PRKCD: variants seen among roughly 807,000 people sequenced by gnomAD.
PRKCD encodes protein kinase C delta type.
PRKCD carries 20 observed loss-of-function variants against 82.2 expected under a neutral mutation model. That is an observed-to-expected ratio of 0.24 (90% CI 0.17 to 0.35). PRKCD has a LOEUF of 0.35. Ranked by LOEUF, PRKCD falls within the 10% of genes least tolerant of loss-of-function variation. The pLI, the probability that PRKCD is intolerant of heterozygous loss-of-function variation, is 1.00. For synonymous variants in PRKCD, 317 were observed against 337.0 expected, an observed-to-expected ratio of 0.94 and a Z score of 0.65; for missense variants, 607 against 899.0, an observed-to-expected ratio of 0.68 and a Z score of 4.15.
chr3:53,188,879 C>T, intron 16 of PRKCD, 21 bp downstream of exon 16: 1 of 1,612,738 alleles, frequency 6.2e-7, no homozygotes, highest in Non-Finnish European at 8.5e-7. Context: ...ACCCTTCCAG[C>T]CCCCCGCTCA....
chr3:53,165,340 T>G (rs879975235), intron 2 of PRKCD, 125 bp downstream of exon 2: 3 of 152,316 alleles, frequency 2.0e-5, no homozygotes, highest in African/African-American at 2.4e-5. Flanking sequence ...GATCTGGTTG[T>G]GGGCCCTGTG....
At chr3:53,180,548 C>A (rs1291087679) in intron 4 of PRKCD, among the ~76,000 whole-genome samples, 1 of 152,206 alleles carries the variant, frequency 6.6e-6, no homozygotes, top group Admixed American at 6.5e-5. Context: ...GCCCTGTGAC[C>A]ATTGGAGGCT....
At position 53,186,203 on chromosome 3, in the gene PRKCD, T is replaced by G. The variant is rs1003630344; in HGVS notation, c.1123T>G (p.Phe375Val). 2 of 1,614,062 alleles carry G rather than the reference T, an allele frequency of 1.2e-6. No individual in the cohort carries two copies. The highest frequency in any genetic ancestry group is 1.7e-6 in the Non-Finnish European group (2 of 1,179,960). Residue 375 changes from phenylalanine (F) to valine (V), a missense_variant, in exon 13 of 19, where the codon TTT (phenylalanine) becomes GTT (valine). By Grantham distance (50) the Phe-to-Val change is conservative. This residue lies in a region of PRKCD where 251 missense variants were observed against 423.9 expected (regional missense o/e 0.59). Transcript: ENST00000330452. ...AGAGCTGAAGGGCAGAGGAGAGTAC[T>G]TTGCCATCAAGGCCCTCAAGAAGGA... is the stretch of plus-strand genomic sequence containing the variant. The part of the protein sequence containing the change: ...LGELKGRGEY[F>V]AIKALKKDVV...
At chr3:53,176,583 G>A (rs782635328) in intron 2 of PRKCD, among the ~76,000 whole-genome samples, 7 of 152,254 alleles carry the variant, frequency 4.6e-5, no homozygotes, top group African/African-American at 1.7e-4. Context: ...TCGAATGAGC[G>A]CTCCCTCAAC....
At chr3:53,162,027 G>A (rs1051019942) in intron 1 of PRKCD, among the ~76,000 whole-genome samples, 13 of 151,676 alleles carry the variant, frequency 8.6e-5, no homozygotes, top group African/African-American at 3.2e-4. Context: ...GGTCCCTGGA[G>A]GCCCGACCCG....
Position 53,169,549 on chromosome 3 carries a change from C to T in PRKCD, c.-20+4334C>T, listed in dbSNP as rs376646205. ...AAACAGGCAGAGCAGAGCAGGCAGT[C>T]GCCAAGGCCTGAGGCTAGATCAGAT... On this transcript the variant is annotated intron_variant, in intron 2 of 18. Transcript: ENST00000330452. This position sits in a 1 kb window ranked among gnomAD's most constrained non-coding sequence, Gnocchi z 4.7. 1.2e-4 allele frequency among the ~76,000 whole-genome samples: 18 copies of T among 152,246 alleles called. No homozygotes were observed. The East Asian group carries it at 2.9e-3, about 25-fold the overall frequency.
At chr3:53,170,531 G>A (rs782177049) in intron 2 of PRKCD, among the ~76,000 whole-genome samples, 3 of 152,224 alleles carry the variant, frequency 2.0e-5, no homozygotes, top group Admixed American at 6.5e-5. Flanking sequence ...GCGGGCGGGC[G>A]GAGGCCTGCC....
chr3:53,181,799 G>A (rs2107263741), intron 7 of PRKCD, 67 bp downstream of exon 7: 1 of 1,604,822 alleles, frequency 6.2e-7, no homozygotes, highest in Non-Finnish European at 8.5e-7. Context: ...CAGTGCCTGT[G>A]TGTATGCCAG....
chr3:53,183,033 G>C, intron 7 of PRKCD, 88 bp from the exon 8 acceptor site: 1 of 1,357,094 alleles, frequency 7.4e-7, no homozygotes, highest in Non-Finnish European at 1.1e-6. Context: ...TTTGTGTAGA[G>C]GGCTAGACTG....
In PRKCD at chr3:53,186,292, C is replaced by T. The variant is rs200149825; in HGVS notation, c.1212C>T (p.Ala404=). Residue 404 remains alanine, a synonymous_variant, in exon 13 of 19, where the codon GCC becomes GCT. Coordinates refer to ENST00000330452, the MANE Select transcript of PRKCD (RefSeq NM_006254.4). ...TMVEKRVLTL[A]AENPFLTHLI... Reference sequence around the variant, plus strand: ...TTGAGAAGCGGGTGCTGACACTTGCCGCAGAGAATCCCTTTCTCACCCACC... The same window carrying T: ...TTGAGAAGCGGGTGCTGACACTTGCTGCAGAGAATCCCTTTCTCACCCACC... 5.3e-5 allele frequency: 85 copies of T among 1,614,138 alleles called. No homozygotes were observed. The highest frequency in any genetic ancestry group is 2.7e-4 in the East Asian group (12 of 44,870).
Position 53,192,125 on chromosome 3 carries a change from C to T in PRKCD, c.1890C>T (p.Tyr630=), listed in dbSNP as rs539145524. 6 of 1,614,044 alleles carry T rather than the reference C, an allele frequency of 3.7e-6. No homozygotes were observed. The African/African-American group carries it at 5.3e-5, about 14-fold the overall frequency. ...FRPKVKSPRD[Y]SNFDQEFLNE... Reference sequence around the variant, plus strand: ...GCTTGTAGAAGTCACCCAGAGACTACAGTAACTTTGACCAGGAGTTCCTGA... The same window carrying T: ...GCTTGTAGAAGTCACCCAGAGACTATAGTAACTTTGACCAGGAGTTCCTGA... The change falls in exon 19 of 19, where the codon TAC becomes TAT. Residue 630 remains tyrosine, a synonymous_variant. Coordinates refer to ENST00000330452, the MANE Select transcript of PRKCD (RefSeq NM_006254.4).
At chr3:53,176,641 A>G (rs1246415884) in intron 2 of PRKCD, among the ~76,000 whole-genome samples, 1 of 152,230 alleles carries the variant, frequency 6.6e-6, no homozygotes, top group Non-Finnish European at 1.5e-5. Context: ...GCCAGTGTGC[A>G]CATAGGTGCT....
chr3:53,189,364 A>T (rs1553670289), intron 17 of PRKCD, 118 bp downstream of exon 17: 2 of 1,079,820 alleles, frequency 1.9e-6, no homozygotes, highest in East Asian at 2.6e-5. Context: ...GTGGTGCTGC[A>T]GTCCTAACAT....
At chr3:53,174,288 G>A (rs2107241354) in intron 2 of PRKCD, among the ~76,000 whole-genome samples, 1 of 152,330 alleles carries the variant, frequency 6.6e-6, no homozygotes, top group East Asian at 1.9e-4. Flanking sequence ...TGCCTCTGCT[G>A]TAGGCTGGAG....
At chr3:53,175,279 A>G (rs945521031) in intron 2 of PRKCD, among the ~76,000 whole-genome samples, 1 of 152,118 alleles carries the variant, frequency 6.6e-6, no homozygotes, top group Non-Finnish European at 1.5e-5. Flanking sequence ...GGCGGAATGG[A>G]TGCGGTGGGG....
At chr3:53,176,251 A>C (rs1703210591) in intron 2 of PRKCD, among the ~76,000 whole-genome samples, 1 of 151,920 alleles carries the variant, frequency 6.6e-6, no homozygotes, top group Non-Finnish European at 1.5e-5. Context: ...AGTAGGAGCC[A>C]GGGCCGGGCA....
At chr3:53,192,084 C>T (rs782700738) in intron 18 of PRKCD, 24 bp from the exon 19 acceptor site, 2 of 1,613,680 alleles carry the variant, frequency 1.2e-6, no homozygotes, top group Non-Finnish European at 1.7e-6. Context: ...GTCCTGTTCG[C>T]TCACCCCTGC....
chr3:53,190,015 C>T lies in PRKCD; in HGVS notation c.1872+14C>T, dbSNP rs782034286. ...AGGCCCAAAGTGGTATGTGATCCTG[C>T]CCTGTGCTGCCTTCAGGCTGAGCTA... On this transcript the variant is annotated intron_variant, in intron 18 of 18. Coordinates refer to ENST00000330452, the MANE Select transcript of PRKCD (RefSeq NM_006254.4). The T allele has an allele frequency of 6.2e-7, 1 of 1,613,476 alleles. No homozygotes were observed. The highest frequency in any genetic ancestry group is 1.1e-5 in the South Asian group (1 of 91,054).
At chr3:53,188,605 C>A in intron 15 of PRKCD, 115 bp from the exon 16 acceptor site, 1 of 1,362,286 alleles carries the variant, frequency 7.3e-7, no homozygotes, top group South Asian at 1.4e-5. Context: ...TTCTCATTCC[C>A]TTGTACCCTT....
Sources: allele counts gnomAD v4.1 joint callset (sites outside exome capture counted in the v4.1 genomes callset), GRCh38; gene constraint gnomAD v4.1.1; regional missense constraint gnomAD v4.1.1; non-coding constraint Gnocchi (gnomAD v3.1); transcripts MANE v1.5; gene names NCBI Gene and HGNC (gene_info 2026-07-23, HGNC 2026-07-21).